The following PRKAG2 variants were observed in gnomAD, a reference collection of about 807,000 sequenced individuals.
PRKAG2 encodes protein kinase AMP-activated non-catalytic subunit gamma 2.
Under a neutral mutation model 69.6 loss-of-function variants are expected in PRKAG2, and 26 were observed. That is an observed-to-expected ratio of 0.37 (90% CI 0.27 to 0.52). PRKAG2 has a LOEUF of 0.52. Among genes scored for constraint, PRKAG2 ranks in the 20% least tolerant of loss-of-function variants. PRKAG2 has a pLI of 0.90. For synonymous variants in PRKAG2, 293 were observed against 285.0 expected (o/e 1.03, Z -0.28); for missense variants, 557 against 740.0 (o/e 0.75, Z 2.87).
intron 3 of PRKAG2, among the ~76,000 whole-genome samples, chr7:151,680,054 A>C (rs534516387): frequency 6.6e-6 from 1 of 152,300 alleles, no homozygotes; most frequent in Admixed American, 6.5e-5. Context: ...CCTATCTCAC[A>C]AAACACAACA....
At chr7:151,656,333 A>C (rs1829413478) in intron 4 of PRKAG2, among the ~76,000 whole-genome samples, 1 of 152,178 alleles carries the variant, frequency 6.6e-6, no homozygotes, top group Non-Finnish European at 1.5e-5. Context: ...GGTTGGGCGA[A>C]TCACCTGAGG....
At chr7:151,861,167 A>C (rs1009024619) in intron 1 of PRKAG2, among the ~76,000 whole-genome samples, 5 of 152,184 alleles carry the variant, frequency 3.3e-5, no homozygotes, top group Non-Finnish European at 7.3e-5. Context: ...CTATTGAACA[A>C]ATTTGCAAAT....
At chr7:151,865,535 G>C (rs2080042102) in intron 1 of PRKAG2, among the ~76,000 whole-genome samples, 1 of 152,226 alleles carries the variant, frequency 6.6e-6, no homozygotes, top group South Asian at 2.1e-4. Context: ...ATCACAGTGA[G>C]ACCCCTGTGC....
chr7:151,576,131 A>T (rs1808876450), intron 7 of PRKAG2: 4 of 525,652 alleles, frequency 7.6e-6, no homozygotes, highest in Non-Finnish European at 1.4e-5. Context: ...TGTAGAGATG[A>T]GGTCTTGCTA....
At chr7:151,566,567 A>C (rs1806307408) in intron 11 of PRKAG2, 1 of 450,646 alleles carries the variant, frequency 2.2e-6, no homozygotes, top group African/African-American at 2.0e-5. Context: ...GGTTTCAAAA[A>C]TCCACCTTTT....
chr7:151,700,910 G>A (rs537063446), intron 3 of PRKAG2, among the ~76,000 whole-genome samples: 13 of 152,314 alleles, frequency 8.5e-5, no homozygotes, highest in Admixed American at 1.3e-4. Context: ...CAGCCTGCCC[G>A]GGAAATCCGA....
chr7:151,775,845 C>T (rs979940668), intron 3 of PRKAG2, among the ~76,000 whole-genome samples: 1 of 152,170 alleles, frequency 6.6e-6, no homozygotes, highest in Non-Finnish European at 1.5e-5. Context: ...TCCAGATGGG[C>T]CGATGGCATT....
intron 3 of PRKAG2, among the ~76,000 whole-genome samples, chr7:151,723,365 T>A (rs1489881104): frequency 6.6e-6 from 1 of 152,208 alleles, no homozygotes; most frequent in African/African-American, 2.4e-5. Context: ...TGAAGGACCA[T>A]GACGCATTCG....
rs1255004553 is a variant in PRKAG2 at position 151,876,639 on chromosome 7, A to C, written c.-19T>G. 3.1e-6 allele frequency: 5 copies of C among 1,604,076 alleles called. No homozygotes were observed. The highest frequency in any genetic ancestry group is 2.2e-5 in the East Asian group (1 of 44,844). ...TTCCCATAACTCTAACCAGAAGTTG[A>C]TTCTGCGAAACTCCTCGGGGGTTCG... On this transcript the variant is annotated 5_prime_UTR_variant, in exon 1 of 16. Coordinates refer to ENST00000287878, the MANE Select transcript of PRKAG2 (RefSeq NM_016203.4).
Position 151,632,258 on chromosome 7 carries a change from T to TGGCAGGGGACGCGGGCAGCGGG in PRKAG2, c.685-142_685-121dup. 1 of 1,049,822 alleles carries TGGCAGGGGACGCGGGCAGCGGG rather than the reference T, an allele frequency of 9.5e-7. No individual in the cohort carries two copies. The highest frequency in any genetic ancestry group is 1.1e-6 in the Non-Finnish European group (1 of 871,580). The allele number at this position is 1,049,822 out of a possible 1,614,324, so 65.0% of individuals were successfully genotyped here. Reference sequence around the variant, plus strand: ...TGCCGCGCCGCCGGGAGGAGGGGCCTGGCAGGGGACGCGGGCAGCGGGGGC... The same window carrying TGGCAGGGGACGCGGGCAGCGGG: ...TGCCGCGCCGCCGGGAGGAGGGGCCTGGCAGGGGACGCGGGCAGCGGGGGCAGGGGACGCGGGCAGCGGGGGC... On this transcript the variant is annotated intron_variant, in intron 4 of 15. Coordinates refer to ENST00000287878, the MANE Select transcript of PRKAG2 (RefSeq NM_016203.4). The surrounding 1 kb of genome is among the most constrained non-coding windows in gnomAD (Gnocchi z 4.2).
rs149559852 is a variant in PRKAG2, at chr7:151,766,358, A to G, written c.466+14794T>C. On this transcript the variant is annotated intron_variant, in intron 3 of 15. Transcript: ENST00000287878. Reference sequence around the variant, plus strand: ...AAACTTACAGGAAGAGTCTTGTCAAAAGGAGACATTTTGGAGTCAACAATG... The same window carrying G: ...AAACTTACAGGAAGAGTCTTGTCAAGAGGAGACATTTTGGAGTCAACAATG... Among the ~76,000 whole-genome samples, 57 of 152,366 alleles carry G rather than the reference A, an allele frequency of 3.7e-4. 1 individual carries two copies. Among genetic ancestry groups the G allele is most frequent in the African/African-American group, 1.3e-3 (54 of 41,578 alleles).
intron 1 of PRKAG2, among the ~76,000 whole-genome samples, chr7:151,863,112 A>G (rs1563763791): frequency 1.3e-5 from 2 of 150,312 alleles, no homozygotes; most frequent in South Asian, 2.1e-4. Flanking sequence ...TGCAGGGACC[A>G]CTGGTAGGTC....
chr7:151,742,549 G>A (rs1340958380), intron 3 of PRKAG2, among the ~76,000 whole-genome samples: 1 of 152,024 alleles, frequency 6.6e-6, no homozygotes, highest in Non-Finnish European at 1.5e-5. Flanking sequence ...ACTTGAACCC[G>A]GGAGGCGGAG....
chr7:151,658,482 CAA>C lies in PRKAG2; in HGVS notation c.684+16936_684+16937del, dbSNP rs11286706. Among the ~76,000 whole-genome samples the C allele has an allele frequency of 2.6e-3, 269 of 105,436 alleles. No individual in the cohort carries two copies. The Middle Eastern group carries it at 0.036, about 14-fold the overall frequency. 69.2% of individuals were successfully genotyped at this position (105,436 alleles called of 152,430 possible). ...CCTGGGTGACAGAGCAAGATTGTCG[CAA>C]AAAAAAAAAAAAAAAAAGTATTTCA... On this transcript the variant is annotated intron_variant, in intron 4 of 15. Transcript: ENST00000287878.
chr7:151,628,382 C>T (rs570781620), intron 5 of PRKAG2, among the ~76,000 whole-genome samples: 8 of 152,270 alleles, frequency 5.3e-5, no homozygotes, highest in Admixed American at 2.6e-4. Flanking sequence ...AAGACGTGGT[C>T]GGTGTAACAA....
intron 3 of PRKAG2, among the ~76,000 whole-genome samples, chr7:151,770,803 G>A (rs1477936994): frequency 6.6e-6 from 1 of 152,184 alleles, no homozygotes; most frequent in Non-Finnish European, 1.5e-5. Flanking sequence ...CTGTAGGGGG[G>A]TGAGATAGAA....
At chr7:151,573,769 C>T (rs1410346778) in intron 8 of PRKAG2, among the ~76,000 whole-genome samples, 1 of 152,004 alleles carries the variant, frequency 6.6e-6, no homozygotes, top group African/African-American at 2.4e-5. Flanking sequence ...GTAAAACTTC[C>T]TAAGAGTATG....
intron 5 of PRKAG2, among the ~76,000 whole-genome samples, chr7:151,627,653 G>C (rs189830762): frequency 3.3e-5 from 5 of 152,184 alleles, no homozygotes; most frequent in Non-Finnish European, 5.9e-5. Flanking sequence ...GCAAGATTGA[G>C]GCACGTTCTG....
At chr7:151,618,210 T>C (rs1820619635) in intron 5 of PRKAG2, among the ~76,000 whole-genome samples, 1 of 152,048 alleles carries the variant, frequency 6.6e-6, no homozygotes, top group South Asian at 2.1e-4. Context: ...TCCAACACTT[T>C]GGGAGGCCGA....
Sources: gnomAD v4.1 joint callset for allele counts (sites outside exome capture counted in the v4.1 genomes callset) on GRCh38, gnomAD v4.1.1 for gene constraint, Gnocchi (gnomAD v3.1) non-coding constraint, MANE v1.5 for transcripts, NCBI Gene and HGNC (gene_info 2026-07-23, HGNC 2026-07-21) for gene names.